Variants in ASAP2 observed in about 807,000 individuals in gnomAD.
The protein encoded by ASAP2 is arf-GAP with SH3 domain, ANK repeat and PH domain-containing protein 2.
ASAP2 carries 45 observed loss-of-function variants against 131.4 expected under a neutral mutation model. The ratio of observed to expected loss-of-function variants is 0.34; its 90% CI spans 0.27 to 0.44. The LOEUF is 0.44. Ranked by LOEUF, ASAP2 falls within the 20% of genes least tolerant of loss-of-function variation. ASAP2 has a pLI of 1.00. For missense variants in ASAP2, 1,011 were observed against 1,297.0 expected (o/e 0.78, Z 3.39); for synonymous variants, 510 against 503.0 (o/e 1.01, Z -0.19).
intron 1 of ASAP2, among the ~76,000 whole-genome samples, chr2:9,248,513 C>T (rs115291098): frequency 4.5e-4 from 69 of 152,038 alleles, no homozygotes; most frequent in Non-Finnish European, 6.6e-4. Flanking sequence ...TCTGCCACCT[C>T]CTTGCTAGTT....
rs768218602 is a variant in ASAP2 at position 9,327,952 on chromosome 2, T to C, written c.686+41T>C. On this transcript the variant is annotated intron_variant, in intron 7 of 27. Transcript: ENST00000281419. ...TTATGTTATCTTAAATGTTTGTTCATGTGTGGCAACTTCTGGTAGATCTAT... is the reference window on the plus strand; with the variant it reads ...TTATGTTATCTTAAATGTTTGTTCACGTGTGGCAACTTCTGGTAGATCTAT... 31 of 1,454,052 alleles carry C rather than the reference T, an allele frequency of 2.1e-5. No homozygotes were observed. The Middle Eastern group carries it at 5.3e-4, about 25-fold the overall frequency. 90.1% of individuals were successfully genotyped at this position (1,454,052 alleles called of 1,614,324 possible).
chr2:9,372,099 A>C (rs1674019564), intron 16 of ASAP2, among the ~76,000 whole-genome samples: 1 of 152,178 alleles, frequency 6.6e-6, no homozygotes, highest in South Asian at 2.1e-4. Flanking sequence ...CAAGTAAAGG[A>C]AGTCCACTTT....
At chr2:9,292,871 AAGG>A (rs1667907548) in intron 2 of ASAP2, among the ~76,000 whole-genome samples, 1 of 152,192 alleles carries the variant, frequency 6.6e-6, no homozygotes, top group Non-Finnish European at 1.5e-5. Flanking sequence ...TGAGATGAAA[AAGG>A]AGGTGATTGA....
chr2:9,285,083 G>A (rs903374979), intron 2 of ASAP2, among the ~76,000 whole-genome samples: 4 of 152,182 alleles, frequency 2.6e-5, no homozygotes, highest in African/African-American at 9.7e-5. Context: ...AGCTTTAGAT[G>A]AGGGCATGAG....
chr2:9,400,152 C>A, intron 25 of ASAP2, 80 bp downstream of exon 25: 1 of 1,487,894 alleles, frequency 6.7e-7, no homozygotes, highest in South Asian at 1.1e-5. Context: ...GCCAGGTGGT[C>A]AGGACTGAGG....
At chr2:9,368,729 C>T (rs1167431580) in intron 16 of ASAP2, among the ~76,000 whole-genome samples, 2 of 152,036 alleles carry the variant, frequency 1.3e-5, no homozygotes, top group African/African-American at 2.4e-5. Context: ...AGGCAGGTTT[C>T]GCAGATGCTG....
intron 10 of ASAP2, 35 bp downstream of exon 10, chr2:9,344,670 C>T (rs747290099): frequency 2.5e-6 from 4 of 1,611,836 alleles, no homozygotes; most frequent in East Asian, 2.2e-5. Context: ...TTTAAATGTA[C>T]GTTCGTTATC....
chr2:9,399,771 C>A, intron 24 of ASAP2: 1 of 539,396 alleles, frequency 1.9e-6, no homozygotes, highest in South Asian at 2.1e-5. Context: ...CCCTGGCCAT[C>A]GGTGGCAGGC....
chr2:9,358,720 A>C, intron 14 of ASAP2, 36 bp from the exon 15 acceptor site: 1 of 1,595,388 alleles, frequency 6.3e-7, no homozygotes, highest in South Asian at 1.1e-5. Flanking sequence ...CCTCTTTTTT[A>C]CTGGAAGCTC....
At chr2:9,326,392 G>A (rs13418227) in intron 6 of ASAP2, among the ~76,000 whole-genome samples, 13,048 of 152,196 alleles carry the variant, frequency 0.086, 570 homozygotes, top group African/African-American at 0.1. Context: ...AAGCTATGGA[G>A]CCCTTTCTTC....
intron 12 of ASAP2, 49 bp downstream of exon 12, chr2:9,350,944 C>G (rs777352381): frequency 6.9e-7 from 1 of 1,442,174 alleles, no homozygotes; most frequent in African/African-American, 1.4e-5. Flanking sequence ...GTCTTATGCT[C>G]TCCTCTGGGG....
intron 1 of ASAP2, among the ~76,000 whole-genome samples, chr2:9,269,244 T>C (rs1037843554): frequency 1.3e-5 from 2 of 150,934 alleles, no homozygotes. Context: ...AAGAGAGGAA[T>C]TATTTTGCGG....
intron 2 of ASAP2, among the ~76,000 whole-genome samples, chr2:9,296,420 C>T (rs1185072755): frequency 6.6e-6 from 1 of 152,170 alleles, no homozygotes; most frequent in Non-Finnish European, 1.5e-5. Context: ...ATTTGGCGTC[C>T]AGCAGGGATT....
At chr2:9,233,875 C>T (rs914854312) in intron 1 of ASAP2, among the ~76,000 whole-genome samples, 20 of 151,750 alleles carry the variant, frequency 1.3e-4, no homozygotes, top group African/African-American at 4.6e-4. Context: ...CTTTGGGAGG[C>T]TGGGGTGGGT....
Position 9,327,837 on chromosome 2 carries a change from G to A in ASAP2, c.612G>A (p.Lys204=), listed in dbSNP as rs1224701820. 6.3e-7 allele frequency: 1 copy of A among 1,593,108 alleles called. No individual in the cohort carries two copies. Among genetic ancestry groups the A allele is most frequent in the Admixed American group, 1.8e-5 (1 of 54,942 alleles). Residue 204 remains lysine (K), a synonymous_variant, in exon 7 of 28, where the codon AAG becomes AAA. Coordinates refer to ENST00000281419, the MANE Select transcript of ASAP2 (RefSeq NM_003887.3). ...TCATTGTTCAACAGTATCTGCTGAA[G>A]GTCAACGAAATCAAGATTAAAAAGG... The part of the protein sequence containing the change: ...FQLQMCEYLL[K]VNEIKIKKGV...
At chr2:9,372,823 C>T (rs1381524107) in intron 16 of ASAP2, among the ~76,000 whole-genome samples, 7 of 152,086 alleles carry the variant, frequency 4.6e-5, no homozygotes, top group Non-Finnish European at 8.8e-5. Context: ...CACACTCAGT[C>T]GCAGTGGGGC....
intron 24 of ASAP2, 161 bp from the exon 25 acceptor site, chr2:9,399,862 A>C: frequency 1.4e-6 from 1 of 700,244 alleles, no homozygotes; most frequent in South Asian, 1.9e-5. Flanking sequence ...AGGGCCTCTC[A>C]TTCTTCCTTT....
intron 21 of ASAP2, among the ~76,000 whole-genome samples, 164 bp from the exon 22 acceptor site, chr2:9,388,130 C>T (rs1675430816): frequency 6.6e-6 from 1 of 152,172 alleles, no homozygotes; most frequent in South Asian, 2.1e-4. Flanking sequence ...TTCACTCTTG[C>T]AGCTCTCACG....
chr2:9,363,087 A>C (rs1416323694), intron 15 of ASAP2, among the ~76,000 whole-genome samples: 1 of 152,200 alleles, frequency 6.6e-6, no homozygotes, highest in African/African-American at 2.4e-5. Context: ...ACTTAGTATA[A>C]TGTCCTTCAG....
Sources: gnomAD v4.1 joint callset for allele counts (sites outside exome capture counted in the v4.1 genomes callset) on GRCh38, gnomAD v4.1.1 for gene constraint, MANE v1.5 for transcripts, NCBI Gene and HGNC (gene_info 2026-07-23, HGNC 2026-07-21) for gene names.